Variants in TIMM23B observed in about 807,000 individuals in gnomAD.
The protein encoded by TIMM23B is translocase of inner mitochondrial membrane 23 homolog B.
Under a neutral mutation model 27.3 loss-of-function variants are expected in TIMM23B, and 27 were observed. That is an observed-to-expected ratio of 0.99 (90% CI 0.73 to 1.36). The LOEUF is 1.36. Ranked by LOEUF, TIMM23B falls within the 40% of genes most tolerant of loss-of-function variation. TIMM23B has a pLI of 0.00. For synonymous variants in TIMM23B, 73 were observed against 92.4 expected, an observed-to-expected ratio of 0.79 and a Z score of 1.21; for missense variants, 205 against 244.2, an observed-to-expected ratio of 0.84 and a Z score of 1.07.
At chr10:49,966,375 A>C (rs1840160122) in intron 6 of TIMM23B, among the ~76,000 whole-genome samples, 1 of 149,972 alleles carries the variant, frequency 6.7e-6, no homozygotes, top group African/African-American at 2.5e-5. Flanking sequence ...AAATGAAACG[A>C]AATGAAGAAA....
chr10:49,948,901 C>G (rs1564679362), intron 2 of TIMM23B, among the ~76,000 whole-genome samples: 1 of 151,994 alleles, frequency 6.6e-6, no homozygotes, highest in East Asian at 1.9e-4. Context: ...TCTTTTTTTT[C>G]TAAGAGACAA....
chr10:49,961,606 GT>G (rs1327481171), intron 6 of TIMM23B, among the ~76,000 whole-genome samples: 21 of 146,038 alleles, frequency 1.4e-4, no homozygotes, highest in Admixed American at 1.4e-4. Context: ...TGTTTCCCTT[GT>G]TTTTTTTTTT....
chr10:49,964,883 TTGAAA>T (rs535612235), intron 6 of TIMM23B, among the ~76,000 whole-genome samples: 284 of 143,292 alleles, frequency 2.0e-3, no homozygotes, highest in African/African-American at 6.9e-3. Context: ...AGACTCCGTT[TTGAAA>T]TGAAATGAAG....
At chr10:49,961,841 C>A (rs1201249018) in intron 6 of TIMM23B, among the ~76,000 whole-genome samples, 585 of 149,874 alleles carry the variant, frequency 3.9e-3, no homozygotes, top group African/African-American at 0.014. Context: ...AAGCAATCCT[C>A]CCACCTCAGC....
chr10:49,944,769 C>G (rs1839303471), intron 1 of TIMM23B, among the ~76,000 whole-genome samples: 1 of 152,116 alleles, frequency 6.6e-6, no homozygotes, highest in African/African-American at 2.4e-5. Context: ...CCTGTAAGTT[C>G]AAAAATCAGA....
chr10:49,956,577 G>A lies in TIMM23B; in HGVS notation c.403+1517G>A, dbSNP rs1702098029. Among the ~76,000 whole-genome samples the A allele has an allele frequency of 4.8e-5, 7 of 146,320 alleles. No homozygotes were observed. The East Asian group carries it at 9.7e-4, about 20-fold the overall frequency. ...GCGGTACTTTCTAGAAATAGCTATT[G>A]ATGTTTCTTCTGAATTCTTCCAGGC... is the stretch of plus-strand genomic sequence containing the variant. On this transcript the variant is annotated intron_variant, in intron 5 of 6. Coordinates refer to ENST00000651259, the MANE Select transcript of TIMM23B (RefSeq NM_001290117.2).
intron 6 of TIMM23B, among the ~76,000 whole-genome samples, chr10:49,964,607 G>GTGAAA (rs1267015178): frequency 2.7e-5 from 4 of 150,026 alleles, no homozygotes; most frequent in Non-Finnish European, 3.0e-5. Flanking sequence ...GAAATGCCGG[G>GTGAAA]TGAAATGAAA....
chr10:49,953,351 T>G (rs1489399364), intron 4 of TIMM23B, among the ~76,000 whole-genome samples: 1 of 152,146 alleles, frequency 6.6e-6, no homozygotes, highest in Non-Finnish European at 1.5e-5. Flanking sequence ...TGTTAAATTG[T>G]GTGGTTTTTT....
chr10:49,963,185 T>C (rs1370841567), intron 6 of TIMM23B, among the ~76,000 whole-genome samples: 1 of 152,196 alleles, frequency 6.6e-6, no homozygotes, highest in Non-Finnish European at 1.5e-5. Context: ...AGAGCGAGTC[T>C]GTCTCAGAAT....
chr10:49,944,754 C>T (rs1481605021), intron 1 of TIMM23B, among the ~76,000 whole-genome samples: 2 of 152,320 alleles, frequency 1.3e-5, no homozygotes, highest in East Asian at 1.9e-4. Context: ...GCCTGGACTA[C>T]ACTTCCTGTA....
At chr10:49,963,812 A>G (rs573929493) in intron 6 of TIMM23B, among the ~76,000 whole-genome samples, 1 of 152,270 alleles carries the variant, frequency 6.6e-6, no homozygotes, top group Non-Finnish European at 1.5e-5. Context: ...CTAAAATACA[A>G]AAACTAGCCG....
rs1840532200 is a variant in TIMM23B at position 49,973,302 on chromosome 10, T to C, written c.*238T>C. 6 of 465,590 alleles carry C rather than the reference T, an allele frequency of 1.3e-5. No homozygotes were observed. The East Asian group carries it at 2.0e-4, about 15-fold the overall frequency. 28.8% of individuals were successfully genotyped at this position (465,590 alleles called of 1,614,324 possible). On this transcript the variant is annotated 3_prime_UTR_variant, in exon 7 of 7. Transcript: ENST00000651259. ...TTGTGTTTACTCACCTCATTTATAT[T>C]GACTTGTAAATTAGTAATTTCTGAA... is the stretch of plus-strand genomic sequence containing the variant.
chr10:49,949,516 C>A (rs1839456044), intron 2 of TIMM23B, among the ~76,000 whole-genome samples: 1 of 152,006 alleles, frequency 6.6e-6, no homozygotes, highest in Admixed American at 6.6e-5. Context: ...TACTCTAGAT[C>A]TAGTTAAAAT....
intron 6 of TIMM23B, among the ~76,000 whole-genome samples, chr10:49,967,730 A>C (rs1840226525): frequency 6.6e-6 from 1 of 151,976 alleles, no homozygotes; most frequent in South Asian, 2.1e-4. Context: ...AGAAAGTTAG[A>C]CTCTCATTTC....
intron 6 of TIMM23B, among the ~76,000 whole-genome samples, chr10:49,965,653 C>T (rs1490775986): frequency 6.5e-5 from 8 of 123,630 alleles, no homozygotes; most frequent in Non-Finnish European, 1.2e-4. Flanking sequence ...GTCTCTGTCT[C>T]GAAATGAAAT....
intron 1 of TIMM23B, among the ~76,000 whole-genome samples, chr10:49,944,686 AT>A (rs1290739406): frequency 3.9e-5 from 6 of 152,224 alleles, no homozygotes; most frequent in African/African-American, 1.4e-4. Context: ...TTATTTTGTA[AT>A]TTATATAGTC....
chr10:49,963,244 G>A (rs1350574112), intron 6 of TIMM23B, among the ~76,000 whole-genome samples: 2 of 152,174 alleles, frequency 1.3e-5, no homozygotes, highest in African/African-American at 2.4e-5. Flanking sequence ...ATGAAATGCC[G>A]GGTGTGGTGG....
At chr10:49,943,589 A>G (rs1480419971) in intron 1 of TIMM23B, among the ~76,000 whole-genome samples, 1 of 151,960 alleles carries the variant, frequency 6.6e-6, no homozygotes, top group Non-Finnish European at 1.5e-5. Flanking sequence ...CAAAGGGCAT[A>G]TACACTTCCT....
At chr10:49,959,777 G>A (rs1196299542) in intron 6 of TIMM23B, among the ~76,000 whole-genome samples, 1 of 151,022 alleles carries the variant, frequency 6.6e-6, no homozygotes, top group Non-Finnish European at 1.5e-5. Flanking sequence ...TTGAGATGGA[G>A]TCTTGGTGTC....
Sources: gnomAD v4.1 joint callset for allele counts (sites outside exome capture counted in the v4.1 genomes callset) on GRCh38, gnomAD v4.1.1 for gene constraint, MANE v1.5 for transcripts, NCBI Gene and HGNC (gene_info 2026-07-23, HGNC 2026-07-21) for gene names.